Variants in ZNF804B observed in about 807,000 individuals in gnomAD.
ZNF804B encodes the protein zinc finger 804B.
In ZNF804B, 80 loss-of-function variants were observed where a neutral mutation model predicts 101.4. The observed-to-expected ratio is 0.79, with a 90% CI of 0.66 to 0.95. The LOEUF (loss-of-function observed/expected upper bound fraction) is 0.95. Among genes scored for constraint, ZNF804B ranks in the 40% least tolerant of loss-of-function variants. The probability of loss-of-function intolerance (pLI) is 0.00; values close to 1 mark genes in which losing one functional copy is unlikely to be tolerated. For synonymous variants in ZNF804B, 622 were observed against 558.8 expected (o/e 1.11, Z -1.59); for missense variants, 1,673 against 1,561.9 (o/e 1.07, Z -1.20).
At chr7:89,203,517 A>G (rs1217865052) in intron 1 of ZNF804B, among the ~76,000 whole-genome samples, 1 of 152,066 alleles carries the variant, frequency 6.6e-6, no homozygotes, top group African/African-American at 2.4e-5. Context: ...TCTCAGCTTA[A>G]AGTTAGTATT....
At chr7:88,952,150 C>G (rs977522674) in intron 1 of ZNF804B, among the ~76,000 whole-genome samples, 1 of 151,702 alleles carries the variant, frequency 6.6e-6, no homozygotes, top group Non-Finnish European at 1.5e-5. Context: ...TGATGGGTCT[C>G]GTAAAGTCCT....
chr7:88,831,353 TAATGTATTCTATGGTAA>T (rs1423065144), intron 1 of ZNF804B, among the ~76,000 whole-genome samples: 4 of 152,004 alleles, frequency 2.6e-5, no homozygotes, highest in African/African-American at 7.2e-5. Context: ...TGAAGAGCTA[TAATGTATTCTATGGTAA>T]AATGTTGCCA....
At position 89,085,641 on chromosome 7, in the gene ZNF804B, C is replaced by G. The variant is rs577175984; in HGVS notation, c.109-132514C>G. On this transcript the variant is annotated intron_variant, in intron 1 of 3. Transcript: ENST00000333190. ...CTCATTCCATATGCCTTACAAGTGT[C>G]TCTGTGACACTCTGCAGGATTTTTT... 2.3e-3 allele frequency among the ~76,000 whole-genome samples: 356 copies of G among 151,978 alleles called. 4 individuals carry two copies. Among genetic ancestry groups the G allele is most frequent in the Non-Finnish European group, 3.6e-3 (247 of 67,894 alleles).
chr7:88,764,080 C>T (rs1789943497), intron 1 of ZNF804B, among the ~76,000 whole-genome samples: 1 of 152,176 alleles, frequency 6.6e-6, no homozygotes, highest in East Asian at 1.9e-4. Context: ...AAACAAATAG[C>T]TTCTATGTAA....
At chr7:89,176,014 A>G (rs1791312498) in intron 1 of ZNF804B, among the ~76,000 whole-genome samples, 1 of 152,018 alleles carries the variant, frequency 6.6e-6, no homozygotes, top group African/African-American at 2.4e-5. Flanking sequence ...AACAAGGATA[A>G]TTTGACTTCC....
Position 89,080,033 on chromosome 7 carries a change from T to A in ZNF804B, c.109-138122T>A, listed in dbSNP as rs9791533. Among the ~76,000 whole-genome samples the A allele has an allele frequency of 5.6e-3, 858 of 151,982 alleles. 26 individuals are homozygous for A. In the East Asian group the frequency reaches 0.082, roughly 14 times the overall value. ...ATAACTTACATTTTTATTTTTTTTT[T>A]AGAATGACACAACCTACTAGAATGA... On this transcript the variant is annotated intron_variant, in intron 1 of 3. Coordinates refer to ENST00000333190, the MANE Select transcript of ZNF804B (RefSeq NM_181646.5).
At chr7:89,292,265 G>C (rs1254752358) in intron 2 of ZNF804B, among the ~76,000 whole-genome samples, 3 of 152,074 alleles carry the variant, frequency 2.0e-5, no homozygotes, top group African/African-American at 7.2e-5. Context: ...TTTTAACACT[G>C]CAACTGTGGT....
At chr7:89,128,095 A>G (rs1790499407) in intron 1 of ZNF804B, among the ~76,000 whole-genome samples, 2 of 151,912 alleles carry the variant, frequency 1.3e-5, no homozygotes, top group Admixed American at 1.3e-4. Context: ...TATTGTAATT[A>G]ATAGTGTAAT....
chr7:88,927,237 A>G (rs1792817988), intron 1 of ZNF804B, among the ~76,000 whole-genome samples: 1 of 152,152 alleles, frequency 6.6e-6, no homozygotes, highest in Non-Finnish European at 1.5e-5. Flanking sequence ...AATACTGTTA[A>G]CTACTCTGAT....
intron 1 of ZNF804B, among the ~76,000 whole-genome samples, chr7:88,907,551 T>A (rs568741425): frequency 6.6e-6 from 1 of 152,124 alleles, no homozygotes; most frequent in Non-Finnish European, 1.5e-5. Flanking sequence ...TTTAATCCCT[T>A]ATGATAATTT....
intron 1 of ZNF804B, among the ~76,000 whole-genome samples, chr7:89,126,206 G>A (rs1790472308): frequency 1.3e-5 from 2 of 151,832 alleles, no homozygotes; most frequent in African/African-American, 4.8e-5. Context: ...ACATATTAGT[G>A]TACAATATGA....
intron 1 of ZNF804B, among the ~76,000 whole-genome samples, chr7:89,049,764 C>A (rs544183026): frequency 6.6e-6 from 1 of 152,266 alleles, no homozygotes; most frequent in South Asian, 2.1e-4. Flanking sequence ...GTAATCCCAG[C>A]ACTTTGGGAG....
At chr7:88,980,026 A>T (rs1044009079) in intron 1 of ZNF804B, among the ~76,000 whole-genome samples, 1 of 151,142 alleles carries the variant, frequency 6.6e-6, no homozygotes, top group East Asian at 2.0e-4. Context: ...TCTTTAGTAT[A>T]TAAGTTGGAT....
At chr7:89,252,516 G>C (rs1789557725) in intron 2 of ZNF804B, among the ~76,000 whole-genome samples, 1 of 152,146 alleles carries the variant, frequency 6.6e-6, no homozygotes, top group Admixed American at 6.5e-5. Flanking sequence ...ATTTGATCCA[G>C]CAATCCCATT....
chr7:88,942,671 T>TA (rs931886937), intron 1 of ZNF804B, among the ~76,000 whole-genome samples: 41 of 151,624 alleles, frequency 2.7e-4, no homozygotes, highest in Middle Eastern at 3.4e-3. Flanking sequence ...GTATTACACT[T>TA]AAAAAAAACC....
chr7:89,193,294 C>A (rs1209626801), intron 1 of ZNF804B, among the ~76,000 whole-genome samples: 1 of 142,982 alleles, frequency 7.0e-6, no homozygotes, highest in Non-Finnish European at 1.5e-5. Context: ...TTATAGTCTA[C>A]TTTCTATCTT....
chr7:88,836,691 T>C lies in ZNF804B; in HGVS notation c.108+76607T>C, dbSNP rs139509647. ...TCTACTGAATACTTGAGGGTCTCTA[T>C]GCAGATTTCCAGAGCATGCTATCTC... On this transcript the variant is annotated intron_variant, in intron 1 of 3. Coordinates refer to ENST00000333190, the MANE Select transcript of ZNF804B (RefSeq NM_181646.5). Among the ~76,000 whole-genome samples, 1,312 of 152,000 alleles carry C rather than the reference T, an allele frequency of 8.6e-3. 26 individuals are homozygous for C. Among genetic ancestry groups the C allele is most frequent in the African/African-American group, 0.03 (1,234 of 41,496 alleles).
chr7:89,171,395 C>CTCTTCTTCCTCTTCT (rs1562904644), intron 1 of ZNF804B, among the ~76,000 whole-genome samples: 1 of 91,912 alleles, frequency 1.1e-5, no homozygotes, highest in Non-Finnish European at 2.3e-5. Context: ...CCTCTTCTTC[C>CTCTTCTTCCTCTTCT]TCTTCTTCTT....
chr7:89,077,389 G>C (rs1224327146), intron 1 of ZNF804B, among the ~76,000 whole-genome samples: 1 of 152,072 alleles, frequency 6.6e-6, no homozygotes, highest in Non-Finnish European at 1.5e-5. Context: ...ATAGCTGTAA[G>C]ATATAAAATC....
Sources: gnomAD v4.1 joint callset for allele counts (sites outside exome capture counted in the v4.1 genomes callset) on GRCh38, gnomAD v4.1.1 for gene constraint, MANE v1.5 for transcripts, NCBI Gene and HGNC (gene_info 2026-07-23, HGNC 2026-07-21) for gene names.